ENTREP2: variants seen among roughly 807,000 people sequenced by gnomAD.
ENTREP2 encodes the protein protein ENTREP2.
chr15:29,644,789 C>T, the ENTREP2 span, among the ~76,000 whole-genome samples: 8 of 133,272 alleles, frequency 6.0e-5, no homozygotes, highest in South Asian at 9.2e-4. Flanking sequence ...GGCAACAGAG[C>T]GAGACTCCAA....
chr15:29,618,288 T>C, the ENTREP2 span, among the ~76,000 whole-genome samples: 1 of 151,980 alleles, frequency 6.6e-6, no homozygotes. Context: ...CTGGGCGTGG[T>C]GGCAGACCCC....
chr15:29,673,045 A>G, the ENTREP2 span, among the ~76,000 whole-genome samples: 1 of 151,902 alleles, frequency 6.6e-6, no homozygotes, highest in Non-Finnish European at 1.5e-5. Context: ...ACTGAAGGTT[A>G]CTCCCTCTTT....
the ENTREP2 span, among the ~76,000 whole-genome samples, chr15:29,579,471 T>C: frequency 6.6e-6 from 1 of 151,982 alleles, no homozygotes; most frequent in Non-Finnish European, 1.5e-5. Context: ...CTCTCCAACA[T>C]GTTTCTCTAA....
the ENTREP2 span, among the ~76,000 whole-genome samples, chr15:29,366,525 G>A: frequency 2.0e-5 from 3 of 152,070 alleles, no homozygotes; most frequent in African/African-American, 4.8e-5. Context: ...AAGCACCACC[G>A]CAATTAAACT....
the ENTREP2 span, among the ~76,000 whole-genome samples, chr15:29,300,169 T>C: frequency 1.3e-5 from 2 of 148,218 alleles, no homozygotes; most frequent in African/African-American, 2.6e-5. Context: ...GATGGATGGA[T>C]GGATGGATGG....
At chr15:29,220,138 CTTAT>C in the ENTREP2 span, among the ~76,000 whole-genome samples, 1 of 152,180 alleles carries the variant, frequency 6.6e-6, no homozygotes, top group South Asian at 2.1e-4. Context: ...ATTTCTAGGG[CTTAT>C]TTGAGGCTGT....
At chr15:29,300,286 C>T in the ENTREP2 span, among the ~76,000 whole-genome samples, 18 of 86,504 alleles carry the variant, frequency 2.1e-4, no homozygotes, top group Admixed American at 2.9e-4. Flanking sequence ...ACAGATGAAT[C>T]GGTAGGTGGG....
the ENTREP2 span, among the ~76,000 whole-genome samples, chr15:29,622,452 C>G: frequency 6.6e-6 from 1 of 152,114 alleles, no homozygotes. Flanking sequence ...AAGTGACCTG[C>G]TGGCCTCGGC....
chr15:29,464,306 G>A, the ENTREP2 span, among the ~76,000 whole-genome samples: 1 of 152,112 alleles, frequency 6.6e-6, no homozygotes, highest in African/African-American at 2.4e-5. Context: ...ACGTGGAAGT[G>A]GGTGTCCCTG....
At chr15:29,633,854 G>A in the ENTREP2 span, among the ~76,000 whole-genome samples, 3 of 152,280 alleles carry the variant, frequency 2.0e-5, no homozygotes, top group South Asian at 4.1e-4. Flanking sequence ...AGCTACTCGG[G>A]AGGCTGAGGC....
the ENTREP2 span, among the ~76,000 whole-genome samples, chr15:29,465,089 G>C: frequency 8.6e-5 from 13 of 152,042 alleles, no homozygotes; most frequent in Non-Finnish European, 1.6e-4. Context: ...GCGGTTGGGA[G>C]CTGCCCAGGC....
chr15:29,338,344 T>C, the ENTREP2 span, among the ~76,000 whole-genome samples: 2 of 147,886 alleles, frequency 1.4e-5, no homozygotes, highest in Admixed American at 1.4e-4. Context: ...GAGAATCACT[T>C]GAACCCGGGA....
At chr15:29,471,073 A>G in the ENTREP2 span, among the ~76,000 whole-genome samples, 8 of 152,154 alleles carry the variant, frequency 5.3e-5, no homozygotes, top group African/African-American at 1.9e-4. Context: ...GCTCAGCCCA[A>G]TGCACTGGTT....
At chr15:29,118,057 C>G in the ENTREP2 span, 1 of 152,706 alleles carries the variant, frequency 6.5e-6, no homozygotes, top group East Asian at 1.9e-4. Flanking sequence ...TGGCCCTGAG[C>G]AGTAGTGGCA....
At chr15:29,339,905 C>T in the ENTREP2 span, among the ~76,000 whole-genome samples, 1 of 152,240 alleles carries the variant, frequency 6.6e-6, no homozygotes, top group Non-Finnish European at 1.5e-5. Flanking sequence ...CATGGCCATC[C>T]CTCCGCCTTC....
the ENTREP2 span, among the ~76,000 whole-genome samples, chr15:29,462,907 A>G: frequency 1.3e-5 from 2 of 152,178 alleles, no homozygotes; most frequent in Non-Finnish European, 2.9e-5. Flanking sequence ...TCCTGTTGAT[A>G]GTTTTTAAAA....
the ENTREP2 span, among the ~76,000 whole-genome samples, chr15:29,170,054 T>A: frequency 6.6e-6 from 1 of 152,210 alleles, no homozygotes; most frequent in Admixed American, 6.5e-5. Flanking sequence ...ATGCCTGTAA[T>A]CCCAGCACTT....
At chr15:29,657,453 C>G in the ENTREP2 span, among the ~76,000 whole-genome samples, 1 of 128,952 alleles carries the variant, frequency 7.8e-6, no homozygotes, top group Non-Finnish European at 1.6e-5. Flanking sequence ...GAAGTGGACC[C>G]CTGCGAGTTG....
At chr15:29,465,092 G>A in the ENTREP2 span, among the ~76,000 whole-genome samples, 1 of 152,008 alleles carries the variant, frequency 6.6e-6, no homozygotes, top group Non-Finnish European at 1.5e-5. Context: ...GTTGGGAGCT[G>A]CCCAGGCCAT....
Sources: gnomAD v4.1 joint callset for allele counts (sites outside exome capture counted in the v4.1 genomes callset) on GRCh38, gnomAD v4.1.1 for gene constraint, MANE v1.5 for transcripts, NCBI Gene and HGNC (gene_info 2026-07-23, HGNC 2026-07-21) for gene names.